Variants in PELP1 observed in about 807,000 individuals in gnomAD.
PELP1 encodes the protein proline, glutamate and leucine rich protein 1.
Under a neutral mutation model 95.5 loss-of-function variants are expected in PELP1, and 32 were observed. That is an observed-to-expected ratio of 0.34 (90% CI 0.25 to 0.45). The LOEUF is 0.45. Among genes scored for constraint, PELP1 ranks in the 20% least tolerant of loss-of-function variants. The pLI, the probability that PELP1 is intolerant of heterozygous loss-of-function variation, is 1.00. For synonymous variants in PELP1, 668 were observed against 600.1 expected (o/e 1.11, Z -1.65); for missense variants, 1,358 against 1,444.8 (o/e 0.94, Z 0.97).
chr17:4,672,243 A>ATCCTCT lies in PELP1; in HGVS notation c.2742_2747dup (p.Glu914_Glu915dup), dbSNP rs758598717. On this transcript the variant is annotated inframe_insertion, in exon 16 of 17. Coordinates refer to ENST00000572293, the MANE Select transcript of PELP1 (RefSeq NM_014389.3). ...CTTCCTCTTCAAAATATTCCTCTTC[A>ATCCTCT]TCCTCTTCCTCTTCCTCAAAGTCTT... is the stretch of plus-strand genomic sequence containing the variant. 8 of 1,551,214 alleles carry ATCCTCT rather than the reference A, an allele frequency of 5.2e-6. No individual in the cohort carries two copies. The highest frequency in any genetic ancestry group is 2.8e-5 in the African/African-American group (2 of 72,542).
At chr17:4,700,751 C>A (rs1913490663) in intron 1 of PELP1, among the ~76,000 whole-genome samples, 2 of 151,240 alleles carry the variant, frequency 1.3e-5, no homozygotes, top group Non-Finnish European at 2.9e-5. Context: ...ATATAAAGCC[C>A]CCATGTCTAC....
In PELP1 at chr17:4,691,028, G is replaced by A. The variant is rs187274367; in HGVS notation, c.315-35C>T. ...AAGAAGAGAGTCATGTTAAGTGGGC[G>A]GAGGCTAGACTTCAGAGAAAGTGAC... On this transcript the variant is annotated intron_variant, in intron 2 of 16. Coordinates refer to ENST00000572293, the MANE Select transcript of PELP1 (RefSeq NM_014389.3). The A allele has an allele frequency of 1.4e-4, 207 of 1,462,048 alleles. 1 individual carries two copies. The East Asian group carries it at 3.5e-3, about 25-fold the overall frequency. The allele number at this position is 1,462,048 out of a possible 1,614,324, so 90.6% of individuals were successfully genotyped here.
intron 1 of PELP1, chr17:4,691,775 T>C (rs1337039036): frequency 1.2e-5 from 3 of 260,028 alleles, no homozygotes; most frequent in Admixed American, 5.1e-5. Flanking sequence ...CAGCACCTAA[T>C]AGGAGACATC....
rs1246241831 is a variant in PELP1 at position 4,680,045 on chromosome 17, A to T, written c.642+2457T>A. 2.0e-5 allele frequency among the ~76,000 whole-genome samples: 3 copies of T among 152,214 alleles called. No individual in the cohort carries two copies. In the East Asian group the frequency reaches 5.8e-4, roughly 29 times the overall value. ...GAGCTGCTACCTGCCCTGGTTTTACAATTACCAGATAATATAACCTTTGGT... is the reference window on the plus strand; with the variant it reads ...GAGCTGCTACCTGCCCTGGTTTTACTATTACCAGATAATATAACCTTTGGT... On this transcript the variant is annotated intron_variant, in intron 5 of 16. Coordinates refer to ENST00000572293, the MANE Select transcript of PELP1 (RefSeq NM_014389.3).
At chr17:4,679,500 G>A (rs56376949) in intron 5 of PELP1, among the ~76,000 whole-genome samples, 1 of 152,158 alleles carries the variant, frequency 6.6e-6, no homozygotes, top group African/African-American at 2.4e-5. Context: ...ATCCTGTTAA[G>A]TAACACTCAA....
rs1258827688 is a variant in PELP1, at chr17:4,670,165, A to T, written c.*1274T>A. On this transcript the variant is annotated 3_prime_UTR_variant, in exon 17 of 17. Transcript: ENST00000572293. ...AAAACAAGTTGAGGGGTAACTTTTTAAAATCCTACTGAAGTTTCCAAAAAT... is the reference window on the plus strand; with the variant it reads ...AAAACAAGTTGAGGGGTAACTTTTTTAAATCCTACTGAAGTTTCCAAAAAT... 2 of 152,234 alleles carry T rather than the reference A, an allele frequency of 1.3e-5. No individual in the cohort carries two copies. Among genetic ancestry groups the T allele is most frequent in the Non-Finnish European group, 2.9e-5 (2 of 68,048 alleles). The allele number at this position is 152,234 out of a possible 1,614,324, so 9.4% of individuals were successfully genotyped here.
chr17:4,678,091 G>GT (rs1206730959), intron 5 of PELP1, among the ~76,000 whole-genome samples: 1 of 151,992 alleles, frequency 6.6e-6, no homozygotes, highest in Non-Finnish European at 1.5e-5. Flanking sequence ...GTGGGCACCT[G>GT]TAATCCCAGC....
chr17:4,682,699 C>A, intron 4 of PELP1, 104 bp downstream of exon 4: 4 of 1,458,192 alleles, frequency 2.7e-6, no homozygotes, highest in Non-Finnish European at 3.7e-6. Context: ...CCTCTTCTCA[C>A]TTCTTCAATC....
intron 4 of PELP1, 39 bp from the exon 5 acceptor site, chr17:4,682,612 C>A (rs1912731822): frequency 1.3e-6 from 2 of 1,529,982 alleles, no homozygotes; most frequent in Non-Finnish European, 1.8e-6. Flanking sequence ...AGGCTGCGAG[C>A]ACCATGTCAC....
intron 3 of PELP1, among the ~76,000 whole-genome samples, chr17:4,685,306 C>T (rs1160233364): frequency 6.6e-6 from 1 of 152,164 alleles, no homozygotes; most frequent in Non-Finnish European, 1.5e-5. Context: ...TCGCTTGGCC[C>T]CCCCAGCCCG....
Position 4,674,312 on chromosome 17 carries a change from G to A in PELP1, c.1582+198C>T, listed in dbSNP as rs9916142. The stretch of plus-strand genomic sequence containing the variant: ...CCTCCTGGCCTCTCTGCGGGCTTCC[G>A]CCTGGCTCTGCATTTCACAGGCACC... On this transcript the variant is annotated intron_variant, in intron 13 of 16. Coordinates refer to ENST00000572293, the MANE Select transcript of PELP1 (RefSeq NM_014389.3). Among the ~76,000 whole-genome samples, 7,843 of 152,314 alleles carry A rather than the reference G, an allele frequency of 0.051. 242 individuals are homozygous for A. The highest frequency in any genetic ancestry group is 0.13 in the Middle Eastern group (38 of 294).
rs1912185974 is a variant in PELP1, at chr17:4,671,262, G to T, written c.*177C>A. The T allele has an allele frequency of 5.0e-6, 3 of 605,632 alleles. No homozygotes were observed. The South Asian group carries it at 6.0e-5, about 12-fold the overall frequency. 37.5% of individuals were successfully genotyped at this position (605,632 alleles called of 1,614,324 possible). A position where few individuals can be genotyped will look rare whatever the true frequency, so the allele number is the denominator to read the frequency against. On this transcript the variant is annotated 3_prime_UTR_variant, in exon 17 of 17. Coordinates refer to ENST00000572293, the MANE Select transcript of PELP1 (RefSeq NM_014389.3). ...CACCAATGTCAGTTGTTCCTCTCTG[G>T]ATCGTCAAAAAGAGGACAGCTATGG...
At chr17:4,692,732 G>A (rs9897677) in intron 1 of PELP1, among the ~76,000 whole-genome samples, 9,177 of 152,156 alleles carry the variant, frequency 0.06, 334 homozygotes, top group Middle Eastern at 0.15. Flanking sequence ...CATTTAGGCC[G>A]GGCGTGGTAG....
In PELP1 at chr17:4,704,020, G is replaced by T. The variant is rs1479644785; in HGVS notation, c.92C>A (p.Pro31Gln). Residue 31 changes from proline (P) to glutamine (Q), a missense_variant, in exon 1 of 17, where the codon CCG becomes CAG. This residue lies in a region of PELP1 where 169 missense variants were observed against 134.9 expected (regional missense o/e 1.25). Coordinates refer to ENST00000572293, the MANE Select transcript of PELP1 (RefSeq NM_014389.3). ...TGGLSAVSSG[P>Q]RLRLLLLESV... is the part of the protein sequence containing the mutation. The stretch of plus-strand genomic sequence containing the variant: ...CTCCAGCAGCAGCAGGCGGAGCCGC[G>T]GGCCCGAGCTCACTGCCGAGAGACC... The T allele has an allele frequency of 6.2e-6, 10 of 1,613,102 alleles. No homozygotes were observed. In the East Asian group the frequency reaches 2.2e-4, roughly 36 times the overall value.
chr17:4,671,652 C>T, intron 16 of PELP1, 39 bp downstream of exon 16: 1 of 1,600,432 alleles, frequency 6.2e-7, no homozygotes, highest in Non-Finnish European at 8.5e-7. Context: ...GCCAGCCCCA[C>T]CTTCTCGCCC....
intron 13 of PELP1, 46 bp downstream of exon 13, chr17:4,674,464 G>A: frequency 1.9e-6 from 3 of 1,568,138 alleles, no homozygotes; most frequent in Non-Finnish European, 2.6e-6. Context: ...GGAAAGGATG[G>A]GGTCCCGTTT....
chr17:4,683,437 G>A (rs1345109663), intron 3 of PELP1, among the ~76,000 whole-genome samples: 1 of 150,764 alleles, frequency 6.6e-6, no homozygotes, highest in Non-Finnish European at 1.5e-5. Context: ...AGCCAGGATG[G>A]TCTCGATCTC....
intron 1 of PELP1, 97 bp from the exon 2 acceptor site, chr17:4,691,539 T>A: frequency 2.1e-6 from 2 of 966,528 alleles, no homozygotes; most frequent in Non-Finnish European, 3.3e-6. Flanking sequence ...TATGAAGCCT[T>A]TCTGAAGTCA....
At chr17:4,678,993 C>G (rs1159153673) in intron 5 of PELP1, among the ~76,000 whole-genome samples, 1 of 152,006 alleles carries the variant, frequency 6.6e-6, no homozygotes, top group African/African-American at 2.4e-5. Flanking sequence ...AAAGCCAAAA[C>G]CCTCAACACC....
Sources: allele counts gnomAD v4.1 joint callset (sites outside exome capture counted in the v4.1 genomes callset), GRCh38; gene constraint gnomAD v4.1.1; regional missense constraint gnomAD v4.1.1; transcripts MANE v1.5; gene names NCBI Gene and HGNC (gene_info 2026-07-23, HGNC 2026-07-21).